Variants in CDC14A observed in about 807,000 individuals in gnomAD.
CDC14A encodes cell division cycle 14A.
A neutral mutation model predicts 74.4 loss-of-function variants in CDC14A; 53 were observed. The ratio of observed to expected loss-of-function variants is 0.71; its 90% confidence interval spans 0.57 to 0.89. The LOEUF (loss-of-function observed/expected upper bound fraction) is 0.89. CDC14A is among the 40% of genes least tolerant of loss of function. The pLI, the probability that CDC14A is intolerant of heterozygous loss-of-function variation, is 0.00. For missense variants in CDC14A, 646 were observed against 713.7 expected, an observed-to-expected ratio of 0.91 and a Z score of 1.08; for synonymous variants, 247 against 258.4, an observed-to-expected ratio of 0.96 and a Z score of 0.43.
At chr1:100,432,129 C>T (rs760014673) in intron 5 of CDC14A, among the ~76,000 whole-genome samples, 1 of 152,074 alleles carries the variant, frequency 6.6e-6, no homozygotes, top group African/African-American at 2.4e-5. Context: ...GTACAGGTCA[C>T]GTTCAACTTT....
At chr1:100,512,779 T>C (rs1467436110) in intron 15 of CDC14A, among the ~76,000 whole-genome samples, 1 of 152,188 alleles carries the variant, frequency 6.6e-6, no homozygotes, top group African/African-American at 2.4e-5. Context: ...GAGAACACTA[T>C]GGAAAAATGC....
At chr1:100,459,748 A>G (rs552566730) in intron 8 of CDC14A, among the ~76,000 whole-genome samples, 5 of 152,198 alleles carry the variant, frequency 3.3e-5, no homozygotes, top group South Asian at 2.1e-4. Flanking sequence ...TGAAGGCTCC[A>G]TAAGTTCTGG....
chr1:100,378,878 G>T (rs1655702019), intron 3 of CDC14A, among the ~76,000 whole-genome samples: 1 of 152,210 alleles, frequency 6.6e-6, no homozygotes, highest in East Asian at 1.9e-4. Context: ...AAAGAAGCCA[G>T]TATTTTAGAA....
rs1340204705 is a variant in CDC14A, at chr1:100,508,618, G to A, written c.1755+9356G>A. The stretch of plus-strand genomic sequence containing the variant: ...GACCCAGGCTTCCATCTCTTGGTGA[G>A]CTCCTCCCAGGCTTTCTTCTCAGGC... On this transcript the variant is annotated intron_variant, in intron 15 of 15. Coordinates refer to ENST00000336454, the MANE Select transcript of CDC14A (RefSeq NM_003672.4). The surrounding 1 kb of genome is among the most constrained non-coding windows in gnomAD (Gnocchi z 4.4). Among the ~76,000 whole-genome samples the A allele has an allele frequency of 1.3e-5, 2 of 152,106 alleles. No homozygotes were observed. Among genetic ancestry groups the A allele is most frequent in the Non-Finnish European group, 2.9e-5 (2 of 68,026 alleles).
At chr1:100,460,361 A>C (rs1478290193) in intron 8 of CDC14A, among the ~76,000 whole-genome samples, 2 of 152,144 alleles carry the variant, frequency 1.3e-5, no homozygotes, top group Non-Finnish European at 2.9e-5. Context: ...ATGAAAAGAG[A>C]GATTCTTGCA....
At chr1:100,518,125 C>T in intron 15 of CDC14A, 126 bp from the exon 16 acceptor site, 1 of 590,522 alleles carries the variant, frequency 1.7e-6, no homozygotes, top group South Asian at 2.8e-5. Context: ...CTTTTTGTTT[C>T]TGTTTTGGCT....
chr1:100,417,146 G>A (rs1661635153), intron 4 of CDC14A, among the ~76,000 whole-genome samples: 1 of 152,168 alleles, frequency 6.6e-6, no homozygotes, highest in African/African-American at 2.4e-5. Context: ...ACATAAGGCA[G>A]GGGCCTGATC....
chr1:100,515,204 A>C (rs2101485777), intron 15 of CDC14A, among the ~76,000 whole-genome samples: 1 of 152,288 alleles, frequency 6.6e-6, no homozygotes, highest in East Asian at 1.9e-4. Flanking sequence ...AATGACCCAG[A>C]GAGACCGTCA....
At chr1:100,436,156 A>C (rs1183601893) in intron 5 of CDC14A, among the ~76,000 whole-genome samples, 1 of 152,150 alleles carries the variant, frequency 6.6e-6, no homozygotes, top group Non-Finnish European at 1.5e-5. Context: ...CTTAGAAGGG[A>C]TCTTCCAATT....
At chr1:100,383,969 C>T (rs1273246108) in intron 3 of CDC14A, among the ~76,000 whole-genome samples, 1 of 151,420 alleles carries the variant, frequency 6.6e-6, no homozygotes, top group Non-Finnish European at 1.5e-5. Flanking sequence ...AGTTTGTGCT[C>T]TCCTGACTGA....
chr1:100,508,311 T>A lies in CDC14A; in HGVS notation c.1755+9049T>A, dbSNP rs537679732. ...TATATATATAGATATATATATATAT[T>A]TTTTTCACTTGAAGGATCTCAGGTG... On this transcript the variant is annotated intron_variant, in intron 15 of 15. Coordinates refer to ENST00000336454, the MANE Select transcript of CDC14A (RefSeq NM_003672.4). The surrounding 1 kb of genome is among the most constrained non-coding windows in gnomAD (Gnocchi z 4.4). Among the ~76,000 whole-genome samples the A allele has an allele frequency of 7.9e-4, 120 of 151,734 alleles. No individual in the cohort carries two copies. The highest frequency in any genetic ancestry group is 2.7e-3 in the East Asian group (14 of 5,178).
rs538676170 is a variant in CDC14A at position 100,470,501 on chromosome 1, G to T, written c.977+2407G>T. Among the ~76,000 whole-genome samples, 10 of 151,872 alleles carry T rather than the reference G, an allele frequency of 6.6e-5. No homozygotes were observed. The East Asian group carries it at 1.7e-3, about 26-fold the overall frequency. ...AAGAGTGAAATTAGTAAGATTGCAG[G>T]ATACAAAGTCAGTTTTCAGAAATTT... On this transcript the variant is annotated intron_variant, in intron 10 of 15. Coordinates refer to ENST00000336454, the MANE Select transcript of CDC14A (RefSeq NM_003672.4).
chr1:100,400,011 A>G (rs1423752747), intron 4 of CDC14A, among the ~76,000 whole-genome samples: 1 of 152,256 alleles, frequency 6.6e-6, no homozygotes, highest in Non-Finnish European at 1.5e-5. Flanking sequence ...AGAATGCTCT[A>G]TTAAATACTT....
rs1438743721 is a variant in CDC14A, at chr1:100,499,081, C to T, written c.1574C>T (p.Thr525Ile). The change falls in exon 15 of 16, where the codon ACC (threonine) becomes ATC (isoleucine). Residue 525 changes from threonine (T) to isoleucine (I), a missense_variant. Coordinates refer to ENST00000336454, the MANE Select transcript of CDC14A (RefSeq NM_003672.4). ...TTGAATGGCAGCTCCCAGCCAACTA[C>T]CAGAAATTACCCTGAGCTCAACAAT... The part of the protein sequence containing the change: ...NLLNGSSQPT[T>I]RNYPELNNNQ... 3 of 1,614,122 alleles carry T rather than the reference C, an allele frequency of 1.9e-6. No homozygotes were observed. The highest frequency in any genetic ancestry group is 1.1e-5 in the South Asian group (1 of 91,080).
intron 15 of CDC14A, chr1:100,505,046 C>T (rs1358326681): frequency 9.3e-7 from 1 of 1,073,054 alleles, no homozygotes; most frequent in African/African-American, 1.6e-5. Flanking sequence ...AGAATTGTCT[C>T]CAAATTTAAA....
At chr1:100,428,570 G>A (rs983987614) in intron 5 of CDC14A, among the ~76,000 whole-genome samples, 2 of 152,090 alleles carry the variant, frequency 1.3e-5, no homozygotes, top group Admixed American at 1.3e-4. Flanking sequence ...AAATTATAGT[G>A]TATACTATTG....
chr1:100,389,472 T>C (rs1297025778), intron 3 of CDC14A, among the ~76,000 whole-genome samples: 1 of 150,432 alleles, frequency 6.6e-6, no homozygotes, highest in Non-Finnish European at 1.5e-5. Flanking sequence ...AATATATATA[T>C]ATGTGTATAT....
At chr1:100,477,219 A>G (rs1444818839) in intron 10 of CDC14A, among the ~76,000 whole-genome samples, 6 of 152,146 alleles carry the variant, frequency 3.9e-5, no homozygotes, top group Non-Finnish European at 8.8e-5. Flanking sequence ...CACCACATTT[A>G]CGGTAATGCT....
At chr1:100,444,577 C>G (rs1665324766) in intron 7 of CDC14A, among the ~76,000 whole-genome samples, 2 of 152,150 alleles carry the variant, frequency 1.3e-5, no homozygotes, top group African/African-American at 4.8e-5. Context: ...GTTACTGTTT[C>G]TTGAATATCC....
Sources: allele counts gnomAD v4.1 joint callset (sites outside exome capture counted in the v4.1 genomes callset), GRCh38; gene constraint gnomAD v4.1.1; non-coding constraint Gnocchi (gnomAD v3.1); transcripts MANE v1.5; gene names NCBI Gene and HGNC (gene_info 2026-07-23, HGNC 2026-07-21).